TAF3: variants seen among roughly 807,000 people sequenced by gnomAD.
TAF3 encodes transcription initiation factor TFIID subunit 3.
In TAF3, 7 loss-of-function variants were observed where a neutral mutation model predicts 80.6. The ratio of observed to expected loss-of-function variants is 0.09; its 90% confidence interval spans 0.05 to 0.16. The LOEUF (loss-of-function observed/expected upper bound fraction) is 0.16, where lower values mean the gene tolerates loss of function less well. Among genes scored for constraint, TAF3 ranks in the 10% least tolerant of loss-of-function variants. TAF3 has a pLI of 1.00. For missense variants in TAF3, 921 were observed against 1,140.2 expected, an observed-to-expected ratio of 0.81 and a Z score of 2.77; for synonymous variants, 444 against 446.1, an observed-to-expected ratio of 1.00 and a Z score of 0.06.
chr10:8,008,072 G>A (rs1832014184), intron 4 of TAF3, among the ~76,000 whole-genome samples: 2 of 149,748 alleles, frequency 1.3e-5, no homozygotes, highest in South Asian at 4.3e-4. Flanking sequence ...CCTTACCTCT[G>A]CAGCCCGTCT....
intron 2 of TAF3, among the ~76,000 whole-genome samples, chr10:7,860,961 G>A (rs1837139499): frequency 6.6e-6 from 1 of 151,606 alleles, no homozygotes; most frequent in Non-Finnish European, 1.5e-5. Flanking sequence ...ACCATGCCCA[G>A]CTAATTTTTT....
chr10:7,850,121 G>A (rs1274509985), intron 2 of TAF3, among the ~76,000 whole-genome samples: 1 of 152,182 alleles, frequency 6.6e-6, no homozygotes, highest in Non-Finnish European at 1.5e-5. Context: ...CTGGGCCAGG[G>A]TAAATTGCAT....
chr10:7,960,122 A>G (rs1401131173), intron 2 of TAF3, among the ~76,000 whole-genome samples: 1 of 152,196 alleles, frequency 6.6e-6, no homozygotes, highest in Non-Finnish European at 1.5e-5. Context: ...TTTTGGCATC[A>G]TTGGGATTTA....
At chr10:7,914,932 C>T (rs531590060) in intron 2 of TAF3, among the ~76,000 whole-genome samples, 1 of 84,968 alleles carries the variant, frequency 1.2e-5, no homozygotes, top group African/African-American at 5.5e-5. Context: ...TGCTCCCAGC[C>T]TTTTTTTTTT....
At chr10:7,909,818 C>T (rs908277955) in intron 2 of TAF3, among the ~76,000 whole-genome samples, 3 of 152,090 alleles carry the variant, frequency 2.0e-5, no homozygotes, top group Admixed American at 1.3e-4. Flanking sequence ...AACATTGAAA[C>T]CTTTATTCTT....
At chr10:7,940,901 G>A (rs898449931) in intron 2 of TAF3, among the ~76,000 whole-genome samples, 1 of 151,810 alleles carries the variant, frequency 6.6e-6, no homozygotes, top group African/African-American at 2.4e-5. Context: ...TGAGGCTGCA[G>A]TGAGCTATGA....
At position 7,887,053 on chromosome 10, in the gene TAF3, G is replaced by A. The variant is rs190875787; in HGVS notation, c.409+62493G>A. ...GCCTGAGACCATCCTGGCTAACATGGTGAAACCTCGTCTCTACTAAAAATA... is the reference window on the plus strand; with the variant it reads ...GCCTGAGACCATCCTGGCTAACATGATGAAACCTCGTCTCTACTAAAAATA... On this transcript the variant is annotated intron_variant, in intron 2 of 6. Coordinates refer to ENST00000344293, the MANE Select transcript of TAF3 (RefSeq NM_031923.4). Among the ~76,000 whole-genome samples the A allele has an allele frequency of 5.3e-3, 804 of 152,062 alleles. 12 individuals are homozygous for A. The highest frequency in any genetic ancestry group is 0.019 in the African/African-American group (774 of 41,470).
At chr10:7,825,924 C>CT (rs1454121665) in intron 2 of TAF3, among the ~76,000 whole-genome samples, 3 of 152,208 alleles carry the variant, frequency 2.0e-5, no homozygotes, top group African/African-American at 7.2e-5. Context: ...AAGCACCACA[C>CT]TGTTTTCCAC....
intron 2 of TAF3, among the ~76,000 whole-genome samples, chr10:7,880,859 C>T (rs1837354842): frequency 6.6e-6 from 1 of 152,152 alleles, no homozygotes; most frequent in South Asian, 2.1e-4. Context: ...ACTAATATTA[C>T]CATATCTAAT....
At chr10:7,991,441 T>C (rs1406786326) in intron 4 of TAF3, among the ~76,000 whole-genome samples, 4 of 152,210 alleles carry the variant, frequency 2.6e-5, no homozygotes, top group Non-Finnish European at 5.9e-5. Context: ...TTACAGTTAC[T>C]ATTGCACCAT....
Position 7,954,954 on chromosome 10 carries a change from A to G in TAF3, c.410-8966A>G, listed in dbSNP as rs1838121333. Among the ~76,000 whole-genome samples the G allele has an allele frequency of 2.1e-5, 3 of 144,818 alleles. 1 individual carries two copies. In the South Asian group the frequency reaches 7.1e-4, roughly 34 times the overall value. ...ATAGGCGAATGAGTGAATTAGTTCT[A>G]GTTAACACGAGCTCTCCATAGTGAG... On this transcript the variant is annotated intron_variant, in intron 2 of 6. Transcript: ENST00000344293.
At chr10:7,976,609 T>C (rs750847544) in intron 3 of TAF3, among the ~76,000 whole-genome samples, 3 of 152,114 alleles carry the variant, frequency 2.0e-5, no homozygotes, top group Non-Finnish European at 4.4e-5. Flanking sequence ...TTCACCATGT[T>C]GGCCAAACTG....
chr10:7,949,870 AC>A (rs1838064882), intron 2 of TAF3, among the ~76,000 whole-genome samples: 1 of 152,212 alleles, frequency 6.6e-6, no homozygotes, highest in Non-Finnish European at 1.5e-5. Context: ...AGTCAAGTTC[AC>A]CCATCGGCAG....
intron 2 of TAF3, among the ~76,000 whole-genome samples, chr10:7,880,756 T>G (rs1360658296): frequency 3.3e-5 from 5 of 152,210 alleles, no homozygotes; most frequent in African/African-American, 9.7e-5. Flanking sequence ...ATTCAACTCC[T>G]TACCTACTCA....
At chr10:8,001,204 C>T (rs1228298189) in intron 4 of TAF3, among the ~76,000 whole-genome samples, 2 of 152,158 alleles carry the variant, frequency 1.3e-5, no homozygotes, top group Non-Finnish European at 2.9e-5. Flanking sequence ...TGGTAAAGAG[C>T]TTGCACGTTT....
At chr10:7,988,549 G>A (rs1831799956) in intron 4 of TAF3, among the ~76,000 whole-genome samples, 1 of 129,392 alleles carries the variant, frequency 7.7e-6, no homozygotes, top group African/African-American at 2.9e-5. Flanking sequence ...TTCAGACCTG[G>A]GCAACAGAGT....
intron 2 of TAF3, among the ~76,000 whole-genome samples, chr10:7,861,130 T>G (rs1837141630): frequency 6.6e-6 from 1 of 151,872 alleles, no homozygotes; most frequent in Admixed American, 6.6e-5. Context: ...CCCGGCTAAT[T>G]TTTTTTTGTA....
chr10:7,918,405 G>A (rs776666478), intron 2 of TAF3, among the ~76,000 whole-genome samples: 5 of 152,160 alleles, frequency 3.3e-5, no homozygotes, highest in Non-Finnish European at 5.9e-5. Flanking sequence ...TAAGGGAAGA[G>A]TGGGATTTGA....
chr10:7,931,832 C>G (rs1250095210), intron 2 of TAF3, among the ~76,000 whole-genome samples: 1 of 152,118 alleles, frequency 6.6e-6, no homozygotes, highest in African/African-American at 2.4e-5. Flanking sequence ...ACTGACAGTT[C>G]CTACCTGCTC....
Sources: gnomAD v4.1 joint callset for allele counts (sites outside exome capture counted in the v4.1 genomes callset) on GRCh38, gnomAD v4.1.1 for gene constraint, MANE v1.5 for transcripts, NCBI Gene and HGNC (gene_info 2026-07-23, HGNC 2026-07-21) for gene names.